Variants in EMC2 observed in about 807,000 individuals in gnomAD.
EMC2 encodes the protein TPR repeat protein 35.
A neutral mutation model predicts 51.6 loss-of-function variants in EMC2; 37 were observed. That is an observed-to-expected ratio of 0.72 (90% CI 0.55 to 0.94). The LOEUF is 0.94. EMC2 is among the 40% of genes least tolerant of loss of function. The probability of loss-of-function intolerance (pLI) is 0.00; values close to 1 mark genes in which losing one functional copy is unlikely to be tolerated. For synonymous variants in EMC2, 131 were observed against 112.4 expected (o/e 1.17, Z -1.04); for missense variants, 359 against 350.9 (o/e 1.02, Z -0.18).
At chr8:108,447,206 C>A (rs1273501260) in intron 1 of EMC2, among the ~76,000 whole-genome samples, 1 of 151,020 alleles carries the variant, frequency 6.6e-6, no homozygotes, top group Non-Finnish European at 1.5e-5. Flanking sequence ...CATTCTCCCC[C>A]ACTGCCCCCC....
Position 108,470,119 on chromosome 8 carries a change from T to A in EMC2, c.507T>A (p.His169Gln). ...HELAELYINE[H>Q]DYAKAAFCLE... The stretch of plus-strand genomic sequence containing the variant: ...TTGCAGAACTTTACATCAATGAACA[T>A]GAGTAAGTTATTAAACACACAACAT... Residue 169 changes from histidine to glutamine, a missense_variant and splice_region_variant, in exon 7 of 11, where the codon CAT (histidine) becomes CAA (glutamine). By Grantham distance (24) the His-to-Gln change is conservative. Coordinates refer to ENST00000220853, the MANE Select transcript of EMC2 (RefSeq NM_014673.5). 2.5e-6 allele frequency: 4 copies of A among 1,606,876 alleles called. No individual in the cohort carries two copies. The highest frequency in any genetic ancestry group is 3.4e-6 in the Non-Finnish European group (4 of 1,174,058).
intron 5 of EMC2, among the ~76,000 whole-genome samples, chr8:108,463,850 T>C (rs1042996314): frequency 6.6e-6 from 1 of 152,158 alleles, no homozygotes; most frequent in Admixed American, 6.5e-5. Flanking sequence ...AATACACATA[T>C]TCACAAAAAC....
chr8:108,464,910 TG>T (rs546408302), intron 5 of EMC2, among the ~76,000 whole-genome samples: 1 of 152,276 alleles, frequency 6.6e-6, no homozygotes, highest in South Asian at 2.1e-4. Flanking sequence ...GTATAAACCT[TG>T]GGGGCAGGGA....
Position 108,479,105 on chromosome 8 carries a change from T to C in EMC2, c.802T>C (p.Tyr268His). Residue 268 changes from tyrosine (Y) to histidine (H), a missense_variant, in exon 10 of 11, where the codon TAT becomes CAT. Coordinates refer to ENST00000220853, the MANE Select transcript of EMC2 (RefSeq NM_014673.5). Reference sequence around the variant, plus strand: ...GGCAGCTAGTCAAATAAACAGAGCTTATCAGGTTAGTATTTATTGATCATT... The same window carrying C: ...GGCAGCTAGTCAAATAAACAGAGCTCATCAGGTTAGTATTTATTGATCATT... ...SWAASQINRAYQFAGRSKKET... is the reference protein window; with the variant it reads ...SWAASQINRAHQFAGRSKKET... 1 of 1,548,550 alleles carries C rather than the reference T, an allele frequency of 6.5e-7. No homozygotes were observed. The highest frequency in any genetic ancestry group is 8.8e-7 in the Non-Finnish European group (1 of 1,142,814).
intron 9 of EMC2, among the ~76,000 whole-genome samples, chr8:108,478,670 A>C (rs1810989445): frequency 1.3e-5 from 2 of 151,976 alleles, no homozygotes; most frequent in African/African-American, 4.8e-5. Flanking sequence ...CTACAGTGGT[A>C]AAGTGCTTTT....
Position 108,486,809 on chromosome 8 carries a change from A to G in EMC2, c.*211A>G, listed in dbSNP as rs965484934. The G allele has an allele frequency of 2.3e-6, 1 of 426,158 alleles. No individual in the cohort carries two copies. Among genetic ancestry groups the G allele is most frequent in the Non-Finnish European group, 4.1e-6 (1 of 244,364 alleles). The allele number at this position is 426,158 out of a possible 1,614,324, so 26.4% of individuals were successfully genotyped here. On this transcript the variant is annotated 3_prime_UTR_variant, in exon 11 of 11. Coordinates refer to ENST00000220853, the MANE Select transcript of EMC2 (RefSeq NM_014673.5). ...GAAATCCATGGAAGAGAGATTTAAG[A>G]CTTATTGATTGTACATCAGTCTCTT...
chr8:108,474,757 G>A (rs1810918459), intron 7 of EMC2: 2 of 151,928 alleles, frequency 1.3e-5, no homozygotes, highest in Admixed American at 1.3e-4. Context: ...ATATGTAGTG[G>A]TTGAAGAGTA....
At chr8:108,458,015 G>A (rs934678868) in intron 5 of EMC2, among the ~76,000 whole-genome samples, 1 of 152,172 alleles carries the variant, frequency 6.6e-6, no homozygotes, top group African/African-American at 2.4e-5. Flanking sequence ...CATTCCAAAT[G>A]GGGGAAATTG....
In EMC2 at chr8:108,443,718, G is replaced by T. The variant is rs1486010797; in HGVS notation, c.40+20G>T. 2 of 1,600,980 alleles carry T rather than the reference G, an allele frequency of 1.2e-6. No homozygotes were observed. Among genetic ancestry groups the T allele is most frequent in the Non-Finnish European group, 1.7e-6 (2 of 1,173,188 alleles). On this transcript the variant is annotated intron_variant, in intron 1 of 10. Coordinates refer to ENST00000220853, the MANE Select transcript of EMC2 (RefSeq NM_014673.5). ...GGGAAGGTAACTTCGGGTGGGGGCG[G>T]GTGCGGAAAGACTAAAAGCGCTGGG...
chr8:108,466,555 C>G (rs1303979538), intron 5 of EMC2, among the ~76,000 whole-genome samples: 1 of 148,278 alleles, frequency 6.7e-6, no homozygotes, highest in African/African-American at 2.5e-5. Context: ...TGGGCTCAAG[C>G]GATCTCCCAC....
At chr8:108,452,614 G>A (rs920529204) in intron 3 of EMC2, among the ~76,000 whole-genome samples, 1 of 152,020 alleles carries the variant, frequency 6.6e-6, no homozygotes, top group East Asian at 1.9e-4. Flanking sequence ...TTTCAACAGG[G>A]CAAAATTAAT....
At chr8:108,450,046 T>G (rs1586175134) in intron 2 of EMC2, 110 bp downstream of exon 2, 8 of 526,864 alleles carry the variant, frequency 1.5e-5, no homozygotes, top group Middle Eastern at 5.0e-4. Flanking sequence ...ATTAATTTTC[T>G]TTGTGACTTT....
At chr8:108,455,996 A>C in intron 5 of EMC2, 66 bp downstream of exon 5, 1 of 559,214 alleles carries the variant, frequency 1.8e-6, no homozygotes, top group Non-Finnish European at 2.8e-6. Flanking sequence ...TAATCGAGGA[A>C]ATAATAGATA....
intron 5 of EMC2, 73 bp from the exon 6 acceptor site, chr8:108,469,753 C>G: frequency 8.1e-7 from 1 of 1,228,690 alleles, no homozygotes; most frequent in Non-Finnish European, 1.2e-6. Flanking sequence ...ATAATTTGCA[C>G]AGTCAAATTA....
intron 10 of EMC2, among the ~76,000 whole-genome samples, chr8:108,480,238 A>T (rs371025491): frequency 5.7e-4 from 86 of 151,682 alleles, no homozygotes; most frequent in African/African-American, 2.1e-3. Context: ...TTTTCTTTCA[A>T]ATTATTTTGT....
chr8:108,463,046 C>G (rs796192016), intron 5 of EMC2, among the ~76,000 whole-genome samples: 2 of 152,234 alleles, frequency 1.3e-5, no homozygotes, highest in Middle Eastern at 3.4e-3. Context: ...TTATTTACTT[C>G]TGAGGAAGAC....
Position 108,449,943 on chromosome 8 carries a change from T to A in EMC2, c.154+7T>A. On this transcript the variant is annotated splice_region_variant and intron_variant, in intron 2 of 10. Transcript: ENST00000220853. ...TCTAAGCTGGGAGATGATAGTAAGT[T>A]CTTTTATTACATTCAGGCTCAGTAC... is the stretch of plus-strand genomic sequence containing the variant. The A allele has an allele frequency of 7.4e-7, 1 of 1,352,288 alleles. No homozygotes were observed. Among genetic ancestry groups the A allele is most frequent in the Non-Finnish European group, 1.1e-6 (1 of 949,994 alleles). The allele number at this position is 1,352,288 out of a possible 1,614,324, so 83.8% of individuals were successfully genotyped here.
rs752252844 is a variant in EMC2, at chr8:108,449,841, G to C, written c.59G>C (p.Arg20Thr). The change falls in exon 2 of 11, where the codon AGA (arginine) becomes ACA (threonine). Residue 20 changes from arginine (R) to threonine (T), a missense_variant. Arg to Thr is a moderately conservative substitution (Grantham distance 71, BLOSUM62 -1). Coordinates refer to ENST00000220853, the MANE Select transcript of EMC2 (RefSeq NM_014673.5). ...VTWEEMRDKM[R>T]KWREENSRNS... ...TTTTCAGAAATGAGAGATAAAATGA[G>C]AAAATGGAGAGAAGAAAACTCAAGA... is the stretch of plus-strand genomic sequence containing the variant. 1.3e-6 allele frequency: 2 copies of C among 1,557,148 alleles called. No homozygotes were observed. Among genetic ancestry groups the C allele is most frequent in the East Asian group, 4.5e-5 (2 of 44,412 alleles).
intron 4 of EMC2, among the ~76,000 whole-genome samples, 186 bp from the exon 5 acceptor site, chr8:108,455,687 A>G (rs1158684186): frequency 6.6e-6 from 1 of 152,214 alleles, no homozygotes; most frequent in Non-Finnish European, 1.5e-5. Flanking sequence ...CAAAATAAGA[A>G]TGTAGTAAAC....
Sources: allele counts gnomAD v4.1 joint callset (sites outside exome capture counted in the v4.1 genomes callset), GRCh38; gene constraint gnomAD v4.1.1; transcripts MANE v1.5; gene names NCBI Gene and HGNC (gene_info 2026-07-23, HGNC 2026-07-21).